The following ASTN1 variants were observed in gnomAD, a reference collection of about 807,000 sequenced individuals.
ASTN1 encodes the protein astrotactin 1.
Under a neutral mutation model 140.7 loss-of-function variants are expected in ASTN1, and 41 were observed. The observed-to-expected ratio is 0.29, with a 90% CI of 0.23 to 0.38. The LOEUF is 0.38. Ranked by LOEUF, ASTN1 falls within the 10% of genes least tolerant of loss-of-function variation. The probability of loss-of-function intolerance (pLI) is 1.00; values close to 1 mark genes in which losing one functional copy is unlikely to be tolerated. For missense variants in ASTN1, 1,479 were observed against 1,678.8 expected, an observed-to-expected ratio of 0.88 and a Z score of 2.08; for synonymous variants, 640 against 652.2, an observed-to-expected ratio of 0.98 and a Z score of 0.29.
chr1:176,913,113 T>C (rs1557954926), intron 16 of ASTN1, among the ~76,000 whole-genome samples: 1 of 152,202 alleles, frequency 6.6e-6, no homozygotes, highest in African/African-American at 2.4e-5. Flanking sequence ...CTTCTCTCAC[T>C]GATTTAAGCA....
chr1:177,004,871 A>G (rs1043930531), intron 8 of ASTN1, among the ~76,000 whole-genome samples: 1 of 152,208 alleles, frequency 6.6e-6, no homozygotes, highest in Non-Finnish European at 1.5e-5. Flanking sequence ...AACCATAAAA[A>G]TTCTAGCAGA....
intron 15 of ASTN1, among the ~76,000 whole-genome samples, chr1:176,934,782 G>A (rs1321914357): frequency 6.6e-6 from 1 of 152,036 alleles, no homozygotes; most frequent in African/African-American, 2.4e-5. Flanking sequence ...TGAAACTTCT[G>A]TTGTGTGCAT....
chr1:177,087,967 G>A (rs1229449355), intron 1 of ASTN1, among the ~76,000 whole-genome samples: 2 of 152,190 alleles, frequency 1.3e-5, no homozygotes, highest in Admixed American at 6.5e-5. Context: ...GCTCAGTTGA[G>A]CTCTACGTCC....
At chr1:176,910,632 C>T (rs781235593) in intron 16 of ASTN1, among the ~76,000 whole-genome samples, 3 of 152,198 alleles carry the variant, frequency 2.0e-5, no homozygotes, top group Non-Finnish European at 2.9e-5. Flanking sequence ...ATCATCAATG[C>T]GTACATCACA....
At chr1:176,986,997 C>T (rs981900966) in intron 8 of ASTN1, among the ~76,000 whole-genome samples, 1 of 152,102 alleles carries the variant, frequency 6.6e-6, no homozygotes, top group Admixed American at 6.5e-5. Context: ...TTTGACCCCC[C>T]TCTTAACTAG....
intron 16 of ASTN1, among the ~76,000 whole-genome samples, chr1:176,918,331 C>T (rs906309845): frequency 6.6e-6 from 1 of 152,126 alleles, no homozygotes; most frequent in African/African-American, 2.4e-5. Flanking sequence ...TTTGCATCTC[C>T]AGCTCTGACT....
At chr1:176,969,937 C>T (rs923862558) in intron 8 of ASTN1, among the ~76,000 whole-genome samples, 1 of 152,218 alleles carries the variant, frequency 6.6e-6, no homozygotes, top group African/African-American at 2.4e-5. Context: ...AGACCCATGC[C>T]CATGCAGGAA....
intron 11 of ASTN1, among the ~76,000 whole-genome samples, chr1:176,954,908 C>A (rs1355958960): frequency 1.3e-5 from 2 of 152,178 alleles, no homozygotes; most frequent in Non-Finnish European, 2.9e-5. Context: ...TAGCAATTAA[C>A]CCTGTGGGAG....
intron 1 of ASTN1, among the ~76,000 whole-genome samples, chr1:177,085,466 T>A (rs751329112): frequency 6.6e-6 from 1 of 152,216 alleles, no homozygotes; most frequent in Non-Finnish European, 1.5e-5. Flanking sequence ...TATCTCTTTT[T>A]ATTCAAAGAC....
intron 19 of ASTN1, 96 bp from the exon 20 acceptor site, chr1:176,883,090 T>C (rs1291728120): frequency 4.0e-6 from 6 of 1,510,252 alleles, no homozygotes; most frequent in Non-Finnish European, 4.5e-6. Context: ...AACATGACAA[T>C]GATTTGGTCC....
chr1:177,082,220 A>G (rs1246246984), intron 1 of ASTN1, among the ~76,000 whole-genome samples: 6 of 152,164 alleles, frequency 3.9e-5, no homozygotes, highest in African/African-American at 1.2e-4. Context: ...GGATGGACGA[A>G]TCTACCTATG....
chr1:177,147,877 G>A (rs1006330724), intron 1 of ASTN1, among the ~76,000 whole-genome samples: 1 of 152,126 alleles, frequency 6.6e-6, no homozygotes, highest in Non-Finnish European at 1.5e-5. Flanking sequence ...CCTTTTAGGA[G>A]AGCTCTCTCA....
chr1:176,974,488 C>A (rs1018513905), intron 8 of ASTN1, among the ~76,000 whole-genome samples: 1 of 151,612 alleles, frequency 6.6e-6, no homozygotes, highest in African/African-American at 2.4e-5. Context: ...CGGGTTCAAG[C>A]GATTCTCCTG....
At chr1:177,146,386 G>A (rs551016550) in intron 1 of ASTN1, among the ~76,000 whole-genome samples, 28 of 152,294 alleles carry the variant, frequency 1.8e-4, no homozygotes, top group African/African-American at 6.3e-4. Flanking sequence ...ATTTCTTAAA[G>A]GTGACTGGCA....
Position 176,949,344 on chromosome 1 carries a change from G to A in ASTN1, c.1895C>T (p.Ser632Phe). The change falls in exon 12 of 23, where the codon TCT (serine) becomes TTT (phenylalanine). Residue 632 changes from serine (S) to phenylalanine (F), a missense_variant. Physicochemically the swap from Ser to Phe is radical, Grantham distance 155. Around this residue, in one of 3 missense-constraint regions of ASTN1, gnomAD observed 729 missense variants for 860.4 expected, o/e 0.85. Coordinates refer to ENST00000361833, the MANE Select transcript of ASTN1 (RefSeq NM_004319.3). ...GCTGTCCTTCATGGGACTGAGTCCA[G>A]ATGGGCACTGGCACAATCAGAAAAC... ...KLDSTGCVCP[S>F]GLSPMKDSSG... 2.5e-6 allele frequency: 4 copies of A among 1,613,460 alleles called. No individual in the cohort carries two copies. The highest frequency in any genetic ancestry group is 3.4e-6 in the Non-Finnish European group (4 of 1,179,668).
intron 9 of ASTN1, 75 bp from the exon 10 acceptor site, chr1:176,958,557 T>C: frequency 6.8e-7 from 1 of 1,473,082 alleles, no homozygotes; most frequent in Admixed American, 2.5e-5. Context: ...TAGCATTCCA[T>C]TACCAGTGCT....
At chr1:177,033,849 A>C (rs1676576354) in intron 2 of ASTN1, among the ~76,000 whole-genome samples, 1 of 152,102 alleles carries the variant, frequency 6.6e-6, no homozygotes, top group Non-Finnish European at 1.5e-5. Context: ...CATGGCCTTG[A>C]CATCACCGGG....
intron 8 of ASTN1, among the ~76,000 whole-genome samples, chr1:176,987,455 C>T (rs763116919): frequency 6.6e-6 from 1 of 152,140 alleles, no homozygotes; most frequent in Non-Finnish European, 1.5e-5. Flanking sequence ...TCATCATCCC[C>T]TCTCCTGCTT....
At chr1:177,026,328 C>G (rs747457086) in intron 5 of ASTN1, among the ~76,000 whole-genome samples, 31 of 152,306 alleles carry the variant, frequency 2.0e-4, no homozygotes, top group Non-Finnish European at 4.3e-4. Flanking sequence ...CAAAACCTCA[C>G]TACCTCCTCT....
Sources: allele counts gnomAD v4.1 joint callset (sites outside exome capture counted in the v4.1 genomes callset), GRCh38; gene constraint gnomAD v4.1.1; regional missense constraint gnomAD v4.1.1; transcripts MANE v1.5; gene names NCBI Gene and HGNC (gene_info 2026-07-23, HGNC 2026-07-21).